The following USH2A variants were observed in gnomAD, a reference collection of about 807,000 sequenced individuals.
The protein encoded by USH2A is usherin.
Under a neutral mutation model 538.9 loss-of-function variants are expected in USH2A, and 443 were observed. That is an observed-to-expected ratio of 0.82 (90% CI 0.76 to 0.89). USH2A has a LOEUF of 0.89. Among genes scored for constraint, USH2A ranks in the 40% least tolerant of loss-of-function variants. The pLI is 0.00. For synonymous variants in USH2A, 2,413 were observed against 2,273.5 expected, an observed-to-expected ratio of 1.06 and a Z score of -1.75; for missense variants, 6,633 against 6,324.8, an observed-to-expected ratio of 1.05 and a Z score of -1.65.
chr1:216,048,093 C>T (rs533386995), intron 31 of USH2A, among the ~76,000 whole-genome samples: 1 of 152,238 alleles, frequency 6.6e-6, no homozygotes, highest in East Asian at 1.9e-4. Flanking sequence ...ATAATTGTTG[C>T]CTGTGCTGCT....
chr1:215,886,136 G>A (rs1217375058), intron 41 of USH2A, among the ~76,000 whole-genome samples: 2 of 152,098 alleles, frequency 1.3e-5, no homozygotes, highest in Admixed American at 1.3e-4. Flanking sequence ...TAATATTACT[G>A]TCAATTTCCT....
intron 24 of USH2A, chr1:216,085,252 C>T (rs1238695791): frequency 1.6e-5 from 4 of 250,144 alleles, no homozygotes; most frequent in Non-Finnish European, 3.2e-5. Context: ...ATATAGTTTA[C>T]AGTTTAGATT....
chr1:216,297,857 A>T (rs1287650433), intron 9 of USH2A, among the ~76,000 whole-genome samples: 1 of 152,180 alleles, frequency 6.6e-6, no homozygotes, highest in Non-Finnish European at 1.5e-5. Context: ...TACTTCTTCT[A>T]GTAGCCCTAT....
At chr1:216,291,440 T>C (rs938511425) in intron 10 of USH2A, among the ~76,000 whole-genome samples, 1 of 152,060 alleles carries the variant, frequency 6.6e-6, no homozygotes, top group African/African-American at 2.4e-5. Context: ...CACTGTACAA[T>C]AACCCAAAGA....
chr1:215,623,393 G>C lies in USH2A; in HGVS notation c.*2388C>G, dbSNP rs770103003. 2.6e-5 allele frequency: 4 copies of C among 152,112 alleles called. No homozygotes were observed. The highest frequency in any genetic ancestry group is 5.9e-5 in the Non-Finnish European group (4 of 68,032). 9.4% of individuals were successfully genotyped at this position (152,112 alleles called of 1,614,324 possible). ...ATTTCTTCCAGATTGTGGAACATCA[G>C]TGGGTCTCAACATTAGAACACCTGG... On this transcript the variant is annotated 3_prime_UTR_variant, in exon 72 of 72. Transcript: ENST00000307340.
chr1:215,680,095 A>G, intron 62 of USH2A, 54 bp downstream of exon 62: 3 of 1,569,666 alleles, frequency 1.9e-6, no homozygotes, highest in Non-Finnish European at 2.6e-6. Flanking sequence ...GTCAGGGCTC[A>G]TCTATTTATC....
chr1:215,682,772 A>G (rs1483921002), intron 61 of USH2A, among the ~76,000 whole-genome samples: 2 of 151,722 alleles, frequency 1.3e-5, no homozygotes, highest in African/African-American at 4.8e-5. Flanking sequence ...AAAGGGAGAG[A>G]AATAACCACA....
intron 69 of USH2A, among the ~76,000 whole-genome samples, chr1:215,635,191 C>T (rs904779220): frequency 3.3e-5 from 5 of 152,186 alleles, no homozygotes; most frequent in African/African-American, 7.2e-5. Flanking sequence ...ATTCCTGATA[C>T]TTCGTGCAAA....
At chr1:215,976,048 T>C (rs1232708196) in intron 35 of USH2A, among the ~76,000 whole-genome samples, 1 of 152,168 alleles carries the variant, frequency 6.6e-6, no homozygotes, top group Non-Finnish European at 1.5e-5. Context: ...GATGGATGTA[T>C]GCCTAGGAAT....
rs866523759 is a variant in USH2A at position 216,251,011 on chromosome 1, C to T, written c.2059G>A (p.Asp687Asn). 3 of 1,614,066 alleles carry T rather than the reference C, an allele frequency of 1.9e-6. No individual in the cohort carries two copies. The highest frequency in any genetic ancestry group is 1.7e-6 in the Non-Finnish European group (2 of 1,179,990). ...TTACAGGGACTGCAGCCATCAGGAT[C>T]CAACTCTTGTAGATTGTAGAATCCA... ...QNGFYNLQEL[D>N]PDGCSPCNCN... The change falls in exon 12 of 72, where the codon GAT becomes AAT. Residue 687 changes from aspartate to asparagine, a missense_variant. Coordinates refer to ENST00000307340, the MANE Select transcript of USH2A (RefSeq NM_206933.4).
intron 71 of USH2A, among the ~76,000 whole-genome samples, chr1:215,626,645 G>A (rs143898240): frequency 8.7e-4 from 133 of 152,174 alleles, no homozygotes; most frequent in Non-Finnish European, 2.8e-4. Flanking sequence ...TATTAGTACC[G>A]TAAAAAGCAA....
intron 38 of USH2A, among the ~76,000 whole-genome samples, chr1:215,930,709 C>T (rs1412470161): frequency 1.3e-5 from 2 of 151,910 alleles, no homozygotes; most frequent in Non-Finnish European, 2.9e-5. Context: ...CAATGTCAAC[C>T]ACTTATTAAA....
At chr1:215,631,232 G>GTGTGTGTGTGTGTGTGTT (rs1656274412) in intron 70 of USH2A, among the ~76,000 whole-genome samples, 2 of 151,496 alleles carry the variant, frequency 1.3e-5, no homozygotes, top group African/African-American at 4.8e-5. Flanking sequence ...GGAGAAGTGT[G>GTGTGTGTGTGTGTGTGTT]TGTGTGTGTG....
At chr1:215,716,218 G>A (rs1451829781) in intron 61 of USH2A, among the ~76,000 whole-genome samples, 1 of 152,240 alleles carries the variant, frequency 6.6e-6, no homozygotes, top group African/African-American at 2.4e-5. Context: ...GGCCCGCCAA[G>A]TAGAAAGCCG....
Position 215,675,371 on chromosome 1 carries a change from G to T in USH2A, c.12540C>A (p.Asn4180Lys). The T allele has an allele frequency of 6.2e-7, 1 of 1,614,088 alleles. No individual in the cohort carries two copies. Among genetic ancestry groups the T allele is most frequent in the Non-Finnish European group, 8.5e-7 (1 of 1,180,018 alleles). The change falls in exon 63 of 72, where the codon AAC becomes AAA. Residue 4180 changes from asparagine to lysine, a missense_variant. Transcript: ENST00000307340. ...SVELSWSEPV[N>K]PNGKIIRYEV... ...CATAGCGAATTATTTTTCCATTTGG[G>T]TTAACAGGCTCAGACCAGCTCAGCT...
intron 15 of USH2A, 119 bp downstream of exon 15, chr1:216,217,268 C>A (rs1304491209): frequency 7.7e-7 from 1 of 1,296,310 alleles, no homozygotes; most frequent in Non-Finnish European, 1.1e-6. Flanking sequence ...CTCTTACCTA[C>A]GTTCTTCACA....
In USH2A at chr1:215,627,380, CCTTCTTTCCTT is replaced by C. The variant is rs1656069024; in HGVS notation, c.15519+1423_15519+1433del. On this transcript the variant is annotated intron_variant, in intron 71 of 71. Coordinates refer to ENST00000307340, the MANE Select transcript of USH2A (RefSeq NM_206933.4). ...CTTTCTCTCCCTCCCTCCCTCCCTT[CCTTCTTTCCTT>C]CCTTCCTTCCTTCCTTCCTTCCTTC... Among the ~76,000 whole-genome samples, 436 of 133,858 alleles carry C rather than the reference CCTTCTTTCCTT, an allele frequency of 3.3e-3. 7 individuals are homozygous for C. Among genetic ancestry groups the C allele is most frequent in the Non-Finnish European group, 5.0e-3 (308 of 62,092 alleles). The allele number at this position is 133,858 out of a possible 152,430, so 87.8% of individuals were successfully genotyped here.
chr1:215,625,590 A>T lies in USH2A; in HGVS notation c.*191T>A. On this transcript the variant is annotated 3_prime_UTR_variant, in exon 72 of 72. Transcript: ENST00000307340. ...TTCATATGAATATTCTCTCTCATTT[A>T]AGATGAGAAAAATATCATTTCTTAG... The T allele has an allele frequency of 1.6e-6, 1 of 629,748 alleles. No individual in the cohort carries two copies. The highest frequency in any genetic ancestry group is 2.9e-6 in the Non-Finnish European group (1 of 350,666). 39.0% of individuals were successfully genotyped at this position (629,748 alleles called of 1,614,324 possible). A position where few individuals can be genotyped will look rare whatever the true frequency, so the allele number is the denominator to read the frequency against.
At position 215,702,273 on chromosome 1, in the gene USH2A, T is replaced by C. The variant is rs141005357; in HGVS notation, c.12067-21897A>G. 6.9e-3 allele frequency among the ~76,000 whole-genome samples: 1,056 copies of C among 152,298 alleles called. 26 individuals are homozygous for C. The highest frequency in any genetic ancestry group is 0.059 in the East Asian group (305 of 5,166). ...AACATTTTTTTCATCATTTCAACTTTGGTGAATCTGATGATTACGTGTCTT... is the reference window on the plus strand; with the variant it reads ...AACATTTTTTTCATCATTTCAACTTCGGTGAATCTGATGATTACGTGTCTT... On this transcript the variant is annotated intron_variant, in intron 61 of 71. Transcript: ENST00000307340.
Sources: gnomAD v4.1 joint callset for allele counts (sites outside exome capture counted in the v4.1 genomes callset) on GRCh38, gnomAD v4.1.1 for gene constraint, MANE v1.5 for transcripts, NCBI Gene and HGNC (gene_info 2026-07-23, HGNC 2026-07-21) for gene names.